NPAT: variants seen among roughly 807,000 people sequenced by gnomAD.
The protein encoded by NPAT is protein NPAT.
NPAT carries 52 observed loss-of-function variants against 130.7 expected under a neutral mutation model. The observed-to-expected ratio is 0.40, with a 90% CI of 0.32 to 0.50. NPAT has a LOEUF of 0.50. NPAT is among the 20% of genes least tolerant of loss of function. The pLI, the probability that NPAT is intolerant of heterozygous loss-of-function variation, is 0.68. For missense variants in NPAT, 1,687 were observed against 1,662.6 expected (o/e 1.01, Z -0.26); for synonymous variants, 580 against 584.8 (o/e 0.99, Z 0.12).
In NPAT at chr11:108,172,724, T is replaced by C. The variant is rs758935042; in HGVS notation, c.2260A>G (p.Thr754Ala). 1.3e-5 allele frequency: 21 copies of C among 1,613,468 alleles called. No homozygotes were observed. Among genetic ancestry groups the C allele is most frequent in the Non-Finnish European group, 1.5e-5 (18 of 1,180,020 alleles). Residue 754 changes from threonine to alanine, a missense_variant, in exon 13 of 18, where the codon ACT becomes GCT. Around this residue, in one of 3 missense-constraint regions of NPAT, gnomAD observed 1,379 missense variants for 1,346.6 expected, o/e 1.02. Transcript: ENST00000278612. ...ISDDPFVSSD[T>A]ELTSAVSSIN... ...CTAGAAACAGCACTGGTAAGTTCAG[T>C]ATCTGAGGAAACAAATGGATCATCA...
chr11:108,206,845 A>G (rs1308976388), intron 1 of NPAT, among the ~76,000 whole-genome samples: 1 of 152,246 alleles, frequency 6.6e-6, no homozygotes, highest in Non-Finnish European at 1.5e-5. Flanking sequence ...AACAGCCCTC[A>G]GGAGACCTGC....
Position 108,193,880 on chromosome 11 carries a change from T to C in NPAT, c.217+77A>G, listed in dbSNP as rs7926603. On this transcript the variant is annotated intron_variant, in intron 3 of 17. Transcript: ENST00000278612. ...GCTTTTATGAGACATTAATAACCTT[T>C]AGAAATCATTTTTAACTAAATCAAG... 2,772 of 922,342 alleles carry C rather than the reference T, an allele frequency of 3.0e-3. 53 individuals are homozygous for C. The African/African-American group carries it at 0.039, about 13-fold the overall frequency. 57.1% of individuals were successfully genotyped at this position (922,342 alleles called of 1,614,324 possible).
At chr11:108,207,884 G>A (rs958724701) in intron 1 of NPAT, among the ~76,000 whole-genome samples, 2 of 152,234 alleles carry the variant, frequency 1.3e-5, no homozygotes, top group African/African-American at 4.8e-5. Context: ...CACACCTCCC[G>A]TGCTGCAGCC....
At chr11:108,181,212 C>T (rs544170635) in intron 10 of NPAT, among the ~76,000 whole-genome samples, 120 of 152,262 alleles carry the variant, frequency 7.9e-4, no homozygotes, top group Non-Finnish European at 1.6e-3. Context: ...ACCTGTAATC[C>T]CAGCACTTTG....
chr11:108,165,352 C>T (rs2077891148), intron 15 of NPAT, among the ~76,000 whole-genome samples: 1 of 150,606 alleles, frequency 6.6e-6, no homozygotes, highest in East Asian at 2.0e-4. Context: ...GCTCGCATTC[C>T]TCCTGCCTCA....
Position 108,162,018 on chromosome 11 carries a change from A to T in NPAT, c.3072-4T>A. On this transcript the variant is annotated splice_polypyrimidine_tract_variant and splice_region_variant and intron_variant, in intron 16 of 17. Transcript: ENST00000278612. ...ACTTTTGTCAGAAACTTCAGTTCTA[A>T]AACAAAACAAAACAAAACTATTTCT... 6.2e-7 allele frequency: 1 copy of T among 1,610,478 alleles called. No individual in the cohort carries two copies. Among genetic ancestry groups the T allele is most frequent in the South Asian group, 1.1e-5 (1 of 90,196 alleles).
chr11:108,188,057 T>TA (rs1292620985), intron 7 of NPAT, 41 bp downstream of exon 7: 5 of 1,329,374 alleles, frequency 3.8e-6, no homozygotes, highest in Non-Finnish European at 5.4e-6. Flanking sequence ...TTTTTTTTTT[T>TA]AATGGATACG....
intron 10 of NPAT, among the ~76,000 whole-genome samples, chr11:108,183,788 C>A (rs183899480): frequency 1.4e-4 from 21 of 152,158 alleles, no homozygotes; most frequent in Admixed American, 1.3e-3. Context: ...CAGCGAGACA[C>A]CACCTCAAAA....
chr11:108,195,963 G>A (rs2078215525), intron 2 of NPAT, among the ~76,000 whole-genome samples: 4 of 152,188 alleles, frequency 2.6e-5, no homozygotes, highest in Admixed American at 2.6e-4. Flanking sequence ...TGTAGAGCAA[G>A]TTTTTAATTT....
intron 1 of NPAT, among the ~76,000 whole-genome samples, chr11:108,203,416 C>A (rs978141009): frequency 2.6e-5 from 4 of 152,162 alleles, no homozygotes; most frequent in Non-Finnish European, 1.5e-5. Flanking sequence ...TTATACCATA[C>A]TTCTTTCTAC....
chr11:108,212,770 C>A (rs1176895682), intron 1 of NPAT, among the ~76,000 whole-genome samples: 1 of 150,824 alleles, frequency 6.6e-6, no homozygotes, highest in African/African-American at 2.4e-5. Flanking sequence ...CATGGTGAAA[C>A]CCCGTCTCTA....
Position 108,170,741 on chromosome 11 carries a change from T to C in NPAT, c.2786-698A>G, listed in dbSNP as rs1303685077. On this transcript the variant is annotated intron_variant, in intron 13 of 17. Transcript: ENST00000278612. Reference sequence around the variant, plus strand: ...GCTGGTGCTGCTTCTCTTTATAACTTACAGATTTTATAAGTTATAAAAACT... The same window carrying C: ...GCTGGTGCTGCTTCTCTTTATAACTCACAGATTTTATAAGTTATAAAAACT... 2.6e-5 allele frequency among the ~76,000 whole-genome samples: 4 copies of C among 152,348 alleles called. No individual in the cohort carries two copies. In the East Asian group the frequency reaches 7.7e-4, roughly 29 times the overall value.
intron 10 of NPAT, among the ~76,000 whole-genome samples, chr11:108,184,599 C>A (rs2078088279): frequency 6.6e-6 from 1 of 152,004 alleles, no homozygotes; most frequent in South Asian, 2.1e-4. Context: ...GGTGCGATCC[C>A]CGCTTACTGC....
chr11:108,175,937 G>A (rs2078001138), intron 12 of NPAT, among the ~76,000 whole-genome samples: 1 of 152,132 alleles, frequency 6.6e-6, no homozygotes, highest in Non-Finnish European at 1.5e-5. Flanking sequence ...TGGGAGCATC[G>A]TTTGAGGCTG....
At chr11:108,209,667 A>C (rs2078364190) in intron 1 of NPAT, among the ~76,000 whole-genome samples, 1 of 152,196 alleles carries the variant, frequency 6.6e-6, no homozygotes, top group Non-Finnish European at 1.5e-5. Context: ...AGGCAGGCAG[A>C]TCACGAGGTC....
intron 1 of NPAT, among the ~76,000 whole-genome samples, chr11:108,203,873 C>A (rs2078298331): frequency 6.6e-6 from 1 of 152,138 alleles, no homozygotes; most frequent in South Asian, 2.1e-4. Flanking sequence ...ACATTTTTCC[C>A]TTCTAGCTCC....
At chr11:108,187,131 G>T (rs2078115099) in intron 7 of NPAT, among the ~76,000 whole-genome samples, 1 of 152,056 alleles carries the variant, frequency 6.6e-6, no homozygotes, top group African/African-American at 2.4e-5. Context: ...AAAAGTCAGG[G>T]TTCCTATAAA....
chr11:108,189,117 T>C lies in NPAT; in HGVS notation c.545A>G (p.Asp182Gly). 3 of 1,613,424 alleles carry C rather than the reference T, an allele frequency of 1.9e-6. No individual in the cohort carries two copies. The highest frequency in any genetic ancestry group is 1.7e-6 in the Non-Finnish European group (2 of 1,179,468). Residue 182 changes from aspartate to glycine, a missense_variant, in exon 6 of 18, where the codon GAT (aspartate) becomes GGT (glycine). Coordinates refer to ENST00000278612, the MANE Select transcript of NPAT (RefSeq NM_002519.3). Reference protein sequence around the residue: ...FVVVNHSQSQDTVTTGEALNV... With the variant: ...FVVVNHSQSQGTVTTGEALNV... ...AAATGTAAACTTACTGGTTACAGTA[T>C]CTTGTGACTGTGAGTGGTTGACCAC...
intron 1 of NPAT, among the ~76,000 whole-genome samples, chr11:108,221,461 A>C (rs935507513): frequency 1.3e-5 from 2 of 152,258 alleles, no homozygotes; most frequent in African/African-American, 2.4e-5. Context: ...AGTTTCTTCA[A>C]AAATGGATGG....
Sources: allele counts gnomAD v4.1 joint callset (sites outside exome capture counted in the v4.1 genomes callset), GRCh38; gene constraint gnomAD v4.1.1; regional missense constraint gnomAD v4.1.1; transcripts MANE v1.5; gene names NCBI Gene and HGNC (gene_info 2026-07-23, HGNC 2026-07-21).